Variants in ARHGAP24 observed in about 807,000 individuals in gnomAD.
ARHGAP24 encodes Rho GTPase activating protein 24.
Under a neutral mutation model 76.4 loss-of-function variants are expected in ARHGAP24, and 50 were observed. The ratio of observed to expected loss-of-function variants is 0.65; its 90% CI spans 0.52 to 0.83. The LOEUF (loss-of-function observed/expected upper bound fraction) is 0.83. Ranked by LOEUF, ARHGAP24 falls within the 40% of genes least tolerant of loss-of-function variation. The pLI is 0.00. For synonymous variants in ARHGAP24, 345 were observed against 323.3 expected, an observed-to-expected ratio of 1.07 and a Z score of -0.72; for missense variants, 930 against 914.2, an observed-to-expected ratio of 1.02 and a Z score of -0.22.
chr4:85,834,936 A>G (rs1470055890), intron 3 of ARHGAP24, among the ~76,000 whole-genome samples: 1 of 152,220 alleles, frequency 6.6e-6, no homozygotes, highest in African/African-American at 2.4e-5. Flanking sequence ...TATAAAAAGT[A>G]GATTGAACCA....
chr4:85,695,327 G>A (rs1035727542), intron 2 of ARHGAP24, among the ~76,000 whole-genome samples: 1 of 152,140 alleles, frequency 6.6e-6, no homozygotes, highest in Non-Finnish European at 1.5e-5. Context: ...GCCCAATAAA[G>A]ACAGGGTTTG....
intron 1 of ARHGAP24, among the ~76,000 whole-genome samples, chr4:85,565,102 G>A (rs1257032418): frequency 6.6e-6 from 1 of 151,402 alleles, no homozygotes; most frequent in Non-Finnish European, 1.5e-5. Context: ...GTCATGTACA[G>A]AAAGGATATA....
intron 3 of ARHGAP24, among the ~76,000 whole-genome samples, chr4:85,907,214 C>T (rs1402522872): frequency 6.6e-6 from 1 of 152,064 alleles, no homozygotes; most frequent in African/African-American, 2.4e-5. Context: ...TTCTAGGTTC[C>T]AAGAAAAGGG....
chr4:85,607,809 A>C (rs949518303), intron 2 of ARHGAP24, among the ~76,000 whole-genome samples: 3 of 146,614 alleles, frequency 2.0e-5, no homozygotes, highest in South Asian at 2.3e-4. Flanking sequence ...CGCCGTGCCA[A>C]CTTTCTCAGG....
intron 1 of ARHGAP24, among the ~76,000 whole-genome samples, chr4:85,554,964 G>C (rs1280352176): frequency 6.7e-6 from 1 of 148,172 alleles, no homozygotes; most frequent in Non-Finnish European, 1.5e-5. Context: ...ACAGGCATGA[G>C]CCACCGCACC....
At chr4:85,937,953 A>T (rs1198093369) in intron 4 of ARHGAP24, among the ~76,000 whole-genome samples, 1 of 152,186 alleles carries the variant, frequency 6.6e-6, no homozygotes, top group Non-Finnish European at 1.5e-5. Context: ...ATCTTTGCTT[A>T]TTTATTTTCA....
chr4:85,475,602 G>A (rs950407944), intron 1 of ARHGAP24, 43 bp downstream of exon 1: 10 of 149,612 alleles, frequency 6.7e-5, no homozygotes, highest in African/African-American at 2.5e-4. Flanking sequence ...GCTACCGCGG[G>A]AAGGACGGAC....
intron 6 of ARHGAP24, chr4:85,972,442 C>A: frequency 4.6e-6 from 2 of 434,348 alleles, no homozygotes; most frequent in Non-Finnish European, 8.5e-6. Context: ...CTATGTCAGG[C>A]CACACATCAC....
intron 2 of ARHGAP24, among the ~76,000 whole-genome samples, chr4:85,700,173 T>C (rs890344721): frequency 6.6e-6 from 1 of 151,966 alleles, no homozygotes; most frequent in Non-Finnish European, 1.5e-5. Context: ...GGTGGGTGAA[T>C]CACCTGAGGT....
At chr4:85,850,984 G>T (rs1731192096) in intron 3 of ARHGAP24, among the ~76,000 whole-genome samples, 1 of 152,146 alleles carries the variant, frequency 6.6e-6, no homozygotes, top group Admixed American at 6.5e-5. Context: ...GCAGAGCTGA[G>T]TTCAAGTCCT....
chr4:85,702,547 A>G (rs889680877), intron 2 of ARHGAP24, among the ~76,000 whole-genome samples: 2 of 152,226 alleles, frequency 1.3e-5, no homozygotes, highest in African/African-American at 4.8e-5. Flanking sequence ...TATAGGCTCT[A>G]AAGTATTATA....
intron 3 of ARHGAP24, among the ~76,000 whole-genome samples, chr4:85,765,226 C>T (rs898390397): frequency 5.9e-5 from 9 of 151,980 alleles, no homozygotes; most frequent in African/African-American, 9.7e-5. Flanking sequence ...TATGTTTTAA[C>T]GTAATATGGT....
intron 3 of ARHGAP24, among the ~76,000 whole-genome samples, chr4:85,860,516 G>T (rs345356): frequency 6.6e-6 from 1 of 151,920 alleles, no homozygotes; most frequent in Non-Finnish European, 1.5e-5. Context: ...TTTACTGCAT[G>T]TGTCTCTGTG....
chr4:85,882,107 A>C (rs1230999166), intron 3 of ARHGAP24, among the ~76,000 whole-genome samples: 2 of 152,276 alleles, frequency 1.3e-5, no homozygotes, highest in East Asian at 3.9e-4. Flanking sequence ...GTTCTTAGTT[A>C]AGAATTCTTA....
chr4:85,483,202 G>A (rs1325675477), intron 1 of ARHGAP24, among the ~76,000 whole-genome samples: 1 of 152,108 alleles, frequency 6.6e-6, no homozygotes, highest in Non-Finnish European at 1.5e-5. Context: ...ATCCTGAGCA[G>A]TATTTTTCAA....
intron 1 of ARHGAP24, among the ~76,000 whole-genome samples, chr4:85,541,986 T>C (rs1725723530): frequency 1.3e-5 from 2 of 152,210 alleles, no homozygotes; most frequent in Admixed American, 1.3e-4. Flanking sequence ...TATTTTAAAA[T>C]AGTGCTTCTC....
At chr4:85,949,911 C>G (rs1391388579) in intron 5 of ARHGAP24, among the ~76,000 whole-genome samples, 1 of 152,198 alleles carries the variant, frequency 6.6e-6, no homozygotes, top group East Asian at 1.9e-4. Flanking sequence ...AAGGTGCATT[C>G]TCTTCTGGGG....
intron 4 of ARHGAP24, among the ~76,000 whole-genome samples, chr4:85,940,619 A>C (rs1032022641): frequency 9.2e-5 from 14 of 152,180 alleles, no homozygotes; most frequent in Non-Finnish European, 1.8e-4. Context: ...AATGTTTGAT[A>C]CACCATTATC....
chr4:85,926,021 TCTC>T (rs1488479470), intron 4 of ARHGAP24, among the ~76,000 whole-genome samples: 1 of 150,944 alleles, frequency 6.6e-6, no homozygotes, highest in Non-Finnish European at 1.5e-5. Context: ...TTCTCCCCTT[TCTC>T]CTCTTCCATC....
Sources: allele counts gnomAD v4.1 joint callset (sites outside exome capture counted in the v4.1 genomes callset), GRCh38; gene constraint gnomAD v4.1.1; transcripts MANE v1.5; gene names NCBI Gene and HGNC (gene_info 2026-07-23, HGNC 2026-07-21).